DAB1: variants seen among roughly 807,000 people sequenced by gnomAD.
The protein encoded by DAB1 is DAB adaptor protein 1, also known as disabled homolog 1.
In DAB1, 15 loss-of-function variants were observed where a neutral mutation model predicts 64.6. The observed-to-expected ratio is 0.23, with a 90% CI of 0.16 to 0.36. The LOEUF (loss-of-function observed/expected upper bound fraction) is 0.36. DAB1 is among the 10% of genes least tolerant of loss of function. DAB1 has a pLI of 1.00. For missense variants in DAB1, 596 were observed against 706.7 expected (o/e 0.84, Z 1.78); for synonymous variants, 235 against 251.9 (o/e 0.93, Z 0.64).
chr1:57,296,647 T>C (rs952827717), intron 1 of DAB1, among the ~76,000 whole-genome samples: 2 of 152,108 alleles, frequency 1.3e-5, no homozygotes, highest in African/African-American at 4.8e-5. Flanking sequence ...ACCGATATAA[T>C]TAAGGATGGT....
At chr1:57,458,494 G>A (rs1449987460) in intron 7 of DAB1, among the ~76,000 whole-genome samples, 3 of 151,352 alleles carry the variant, frequency 2.0e-5, no homozygotes, top group South Asian at 2.1e-4. Flanking sequence ...AAAAAAAATC[G>A]TGAATGAGTA....
chr1:58,417,498 T>C (rs1259153530), intron 3 of DAB1, among the ~76,000 whole-genome samples: 1 of 152,164 alleles, frequency 6.6e-6, no homozygotes, highest in Non-Finnish European at 1.5e-5. Context: ...GGAGGGCATG[T>C]TGATTGACAG....
rs1471456976 is a variant in DAB1, at chr1:57,301,889, C to T, written c.-136-10723G>A. Among the ~76,000 whole-genome samples the T allele has an allele frequency of 6.6e-5, 10 of 152,126 alleles. No individual in the cohort carries two copies. In the South Asian group the frequency reaches 8.3e-4, roughly 13 times the overall value. ...AAGAGCCTTGCCCGCTGGACCCACTCGAGGTCCCTTCTAATAGATGCCACC... is the reference window on the plus strand; with the variant it reads ...AAGAGCCTTGCCCGCTGGACCCACTTGAGGTCCCTTCTAATAGATGCCACC... On this transcript the variant is annotated intron_variant, in intron 1 of 14. Transcript: ENST00000371236.
intron 4 of DAB1, among the ~76,000 whole-genome samples, chr1:57,102,351 C>A (rs1275950904): frequency 6.6e-6 from 1 of 152,206 alleles, no homozygotes. Context: ...TTAAACTCTT[C>A]TGAAGGCTTC....
chr1:57,051,111 T>C (rs187684383), intron 9 of DAB1, among the ~76,000 whole-genome samples: 89 of 152,324 alleles, frequency 5.8e-4, no homozygotes, highest in African/African-American at 2.1e-3. Context: ...AAATTCAGGA[T>C]TCTATCTCAG....
Position 57,927,847 on chromosome 1 carries a change from C to T in DAB1, n.388-43685G>A, listed in dbSNP as rs945809333. Reference sequence around the variant, plus strand: ...AACATGATAAAAACTTTCAAACACACAGAAGAATATTTTCATGAACACCCA... The same window carrying T: ...AACATGATAAAAACTTTCAAACACATAGAAGAATATTTTCATGAACACCCA... On this transcript the variant is annotated intron_variant and non_coding_transcript_variant, in intron 5 of 20. Transcript: ENST00000485760. Among the ~76,000 whole-genome samples, 3 of 152,278 alleles carry T rather than the reference C, an allele frequency of 2.0e-5. No homozygotes were observed. The South Asian group carries it at 6.2e-4, about 32-fold the overall frequency.
chr1:57,707,092 C>CAA (rs1196264293), intron 6 of DAB1, among the ~76,000 whole-genome samples: 1 of 151,748 alleles, frequency 6.6e-6, no homozygotes, highest in African/African-American at 2.4e-5. Flanking sequence ...AACAAACAAA[C>CAA]AAAAAAACCC....
chr1:58,411,545 T>C (rs552555485), intron 3 of DAB1, among the ~76,000 whole-genome samples: 2 of 152,246 alleles, frequency 1.3e-5, no homozygotes, highest in African/African-American at 4.8e-5. Flanking sequence ...GGCAGTGACC[T>C]CTAAGTGAGA....
chr1:57,495,842 A>T (rs1322013166), intron 7 of DAB1, among the ~76,000 whole-genome samples: 3 of 152,158 alleles, frequency 2.0e-5, no homozygotes, highest in African/African-American at 4.8e-5. Context: ...TTCACTGAAC[A>T]TTGCATATGG....
Position 57,191,351 on chromosome 1 carries a change from A to T in DAB1, c.68-45922T>A, listed in dbSNP as rs188776049. Reference sequence around the variant, plus strand: ...TTTCAGAGGGTAGAATTTGTAGGGGATATTTCAATGGACTTAACCACTCAA... The same window carrying T: ...TTTCAGAGGGTAGAATTTGTAGGGGTTATTTCAATGGACTTAACCACTCAA... On this transcript the variant is annotated intron_variant, in intron 2 of 14. Coordinates refer to ENST00000371236, the MANE Select transcript of DAB1 (RefSeq NM_001365792.1). 2.6e-5 allele frequency among the ~76,000 whole-genome samples: 4 copies of T among 152,292 alleles called. No individual in the cohort carries two copies. In the East Asian group the frequency reaches 5.8e-4, roughly 22 times the overall value.
intron 5 of DAB1, among the ~76,000 whole-genome samples, chr1:57,971,928 A>G (rs1033633439): frequency 6.6e-6 from 1 of 152,176 alleles, no homozygotes; most frequent in Non-Finnish European, 1.5e-5. Flanking sequence ...CCACTACAAT[A>G]TCTCCCAAAT....
At chr1:57,219,403 C>A (rs987362201) in intron 2 of DAB1, among the ~76,000 whole-genome samples, 5 of 152,094 alleles carry the variant, frequency 3.3e-5, no homozygotes, top group African/African-American at 9.7e-5. Context: ...TCAAATGAGA[C>A]CAGTTCAGGT....
At chr1:57,836,234 C>A (rs1285216082) in intron 1 of DAB1, among the ~76,000 whole-genome samples, 2 of 152,128 alleles carry the variant, frequency 1.3e-5, no homozygotes, top group Admixed American at 1.3e-4. Flanking sequence ...GAAATGGAAG[C>A]TAGAAAGGTG....
chr1:58,118,567 T>TATATATACATATATATAAAATAC (rs1652525305), intron 5 of DAB1, among the ~76,000 whole-genome samples: 2 of 56,510 alleles, frequency 3.5e-5, no homozygotes, highest in East Asian at 1.5e-3. Flanking sequence ...ATAAAATACA[T>TATATATACATATATATAAAATAC]ATATATATAT....
chr1:57,148,434 T>C (rs961620579), intron 2 of DAB1, among the ~76,000 whole-genome samples: 6 of 152,232 alleles, frequency 3.9e-5, no homozygotes, highest in Non-Finnish European at 7.3e-5. Flanking sequence ...TTTTCATGAG[T>C]ACATCTTGAG....
intron 4 of DAB1, among the ~76,000 whole-genome samples, chr1:58,284,865 G>A (rs1279969015): frequency 1.3e-5 from 2 of 152,216 alleles, no homozygotes; most frequent in African/African-American, 4.8e-5. Context: ...GTTCTAGAGG[G>A]TACACCTTCT....
intron 5 of DAB1, among the ~76,000 whole-genome samples, chr1:58,050,396 C>A (rs943359359): frequency 2.0e-5 from 3 of 151,850 alleles, no homozygotes; most frequent in African/African-American, 7.3e-5. Flanking sequence ...TAGGTTACAG[C>A]AGAAATAAAG....
chr1:57,191,199 A>G (rs1001761985), intron 2 of DAB1, among the ~76,000 whole-genome samples: 1 of 152,178 alleles, frequency 6.6e-6, no homozygotes, highest in Admixed American at 6.5e-5. Flanking sequence ...TAGGGACTTC[A>G]TCCTGGCTTC....
At chr1:58,241,613 G>A (rs1005118621) in intron 4 of DAB1, among the ~76,000 whole-genome samples, 1 of 151,948 alleles carries the variant, frequency 6.6e-6, no homozygotes, top group Non-Finnish European at 1.5e-5. Context: ...AAAGAAGCCT[G>A]AACAAAATGA....
Sources: allele counts gnomAD v4.1 joint callset (sites outside exome capture counted in the v4.1 genomes callset), GRCh38; gene constraint gnomAD v4.1.1; transcripts MANE v1.5; gene names NCBI Gene and HGNC (gene_info 2026-07-23, HGNC 2026-07-21).